Variants in MYT1 observed in about 807,000 individuals in gnomAD.
MYT1 encodes myelin transcription factor 1.
A neutral mutation model predicts 123.0 loss-of-function variants in MYT1; 23 were observed. That is an observed-to-expected ratio of 0.19 (90% CI 0.13 to 0.26). The LOEUF is 0.26. Ranked by LOEUF, MYT1 falls within the 10% of genes least tolerant of loss-of-function variation. The pLI, the probability that MYT1 is intolerant of heterozygous loss-of-function variation, is 1.00. For missense variants in MYT1, 1,125 were observed against 1,472.5 expected (o/e 0.76, Z 3.86); for synonymous variants, 518 against 575.3 (o/e 0.90, Z 1.43).
chr20:64,195,401 C>CTTTT (rs397753483), intron 2 of MYT1, among the ~76,000 whole-genome samples: 1,669 of 104,012 alleles, frequency 0.016, 200 homozygotes, highest in African/African-American at 0.059. Flanking sequence ...TGTGTGTATA[C>CTTTT]TTTTTTTTTT....
intron 1 of MYT1, among the ~76,000 whole-genome samples, chr20:64,179,541 T>C (rs1286410030): frequency 6.6e-6 from 1 of 152,232 alleles, no homozygotes; most frequent in African/African-American, 2.4e-5. Context: ...TGGATATCTC[T>C]ATAGACTCGT....
At position 64,196,708 on chromosome 20, in the gene MYT1, G is replaced by A. The variant is rs536969284; in HGVS notation, c.1-2154G>A. On this transcript the variant is annotated intron_variant, in intron 2 of 22. Transcript: ENST00000328439. The surrounding 1 kb of genome is among the most constrained non-coding windows in gnomAD (Gnocchi z 4.3). ...TAAAAAGGTGCTCAGCAGAAGGAGCGGCAGAGCTGTCAGCTTCATCAACGG... is the reference window on the plus strand; with the variant it reads ...TAAAAAGGTGCTCAGCAGAAGGAGCAGCAGAGCTGTCAGCTTCATCAACGG... Among the ~76,000 whole-genome samples the A allele has an allele frequency of 5.8e-4, 89 of 152,160 alleles. No homozygotes were observed. The highest frequency in any genetic ancestry group is 1.9e-3 in the African/African-American group (78 of 41,454).
rs761769883 is a variant in MYT1 at position 64,217,128 on chromosome 20, G to A, written c.1693G>A (p.Ala565Thr). The A allele has an allele frequency of 4.3e-6, 7 of 1,613,538 alleles. No homozygotes were observed. The highest frequency in any genetic ancestry group is 5.9e-6 in the Non-Finnish European group (7 of 1,179,832). ...PPYGSYRPNV[A>T]PATPRANLAK... Reference sequence around the variant, plus strand: ...ATATGGGAGCTACCGGCCCAACGTGGCCCCCGCCACACCCAGGGCCAACTT... The same window carrying A: ...ATATGGGAGCTACCGGCCCAACGTGACCCCCGCCACACCCAGGGCCAACTT... The change falls in exon 11 of 23, where the codon GCC becomes ACC. Residue 565 changes from alanine to threonine, a missense_variant. Physicochemically the swap from Ala to Thr is moderately conservative, Grantham distance 58. This residue lies in a region of MYT1 where 429 missense variants were observed against 604.1 expected (regional missense o/e 0.71). Transcript: ENST00000328439.
chr20:64,217,411 C>T (rs1361114410), intron 11 of MYT1, 130 bp downstream of exon 11: 3 of 995,926 alleles, frequency 3.0e-6, no homozygotes, highest in Non-Finnish European at 3.0e-6. Flanking sequence ...CATGGGAGGA[C>T]CACGATGCAG....
At chr20:64,211,122 G>C (rs965835151) in intron 7 of MYT1, 84 bp from the exon 8 acceptor site, 1 of 1,470,474 alleles carries the variant, frequency 6.8e-7, no homozygotes, top group African/African-American at 1.4e-5. Context: ...GACAGCCAGA[G>C]AGAGGGTTCC....
At chr20:64,200,914 G>A (rs1244806959) in intron 4 of MYT1, among the ~76,000 whole-genome samples, 2 of 152,210 alleles carry the variant, frequency 1.3e-5, no homozygotes, top group Middle Eastern at 3.2e-3. Flanking sequence ...CCAGAACACA[G>A]TCCCCGGAAG....
rs758965965 is a variant in MYT1 at position 64,218,880 on chromosome 20, T to C, written c.1847-31T>C. On this transcript the variant is annotated intron_variant, in intron 11 of 22. Transcript: ENST00000328439. This position sits in a 1 kb window ranked among gnomAD's most constrained non-coding sequence, Gnocchi z 4.0. ...CCCCAGGCACAGCCCCTCCAGTAGT[T>C]ATGTGAGGAGCACTTCATCCTCTTC... The C allele has an allele frequency of 1.9e-6, 3 of 1,612,888 alleles. No individual in the cohort carries two copies. Among genetic ancestry groups the C allele is most frequent in the Non-Finnish European group, 8.5e-7 (1 of 1,180,000 alleles).
rs895968646 is a variant in MYT1 at position 64,191,296 on chromosome 20, G to A, written c.-1+1136G>A. Among the ~76,000 whole-genome samples, 1 of 150,170 alleles carries A rather than the reference G, an allele frequency of 6.7e-6. No individual in the cohort carries two copies. Among genetic ancestry groups the A allele is most frequent in the African/African-American group, 2.5e-5 (1 of 39,536 alleles). On this transcript the variant is annotated intron_variant, in intron 2 of 22. Transcript: ENST00000328439. The surrounding 1 kb of genome is among the most constrained non-coding windows in gnomAD (Gnocchi z 4.1). ...ACACTCCCGAACTGTGACATCACATGTGCTTACAGCCACTGTTCTCCACCA... is the reference window on the plus strand; with the variant it reads ...ACACTCCCGAACTGTGACATCACATATGCTTACAGCCACTGTTCTCCACCA...
Position 64,196,572 on chromosome 20 carries a change from G to C in MYT1, c.1-2290G>C, listed in dbSNP as rs946279966. Among the ~76,000 whole-genome samples the C allele has an allele frequency of 8.5e-5, 13 of 152,202 alleles. No individual in the cohort carries two copies. The highest frequency in any genetic ancestry group is 1.6e-4 in the Non-Finnish European group (11 of 68,038). ...GTTCATTCTCGTATTAAAGAGCCTG[G>C]TTTATTTTTTCTTCGGTAGTTCAGT... On this transcript the variant is annotated intron_variant, in intron 2 of 22. Transcript: ENST00000328439. The surrounding 1 kb of genome is among the most constrained non-coding windows in gnomAD (Gnocchi z 4.3).
At chr20:64,225,907 G>A (rs1984158368) in intron 16 of MYT1, among the ~76,000 whole-genome samples, 1 of 152,182 alleles carries the variant, frequency 6.6e-6, no homozygotes, top group African/African-American at 2.4e-5. Flanking sequence ...ACCCCCACCT[G>A]AGACTCACTC....
intron 1 of MYT1, among the ~76,000 whole-genome samples, chr20:64,184,583 C>A (rs993797571): frequency 3.9e-5 from 6 of 152,106 alleles, no homozygotes; most frequent in African/African-American, 1.2e-4. Flanking sequence ...TGCTCTTTTT[C>A]AGAATTGTTT....
chr20:64,216,533 G>A (rs1197820264), intron 10 of MYT1, among the ~76,000 whole-genome samples: 3 of 152,204 alleles, frequency 2.0e-5, no homozygotes, highest in Non-Finnish European at 4.4e-5. Context: ...CTGAGTCCCT[G>A]GCTGAATGAA....
chr20:64,234,381 A>G (rs1984433352), intron 19 of MYT1, among the ~76,000 whole-genome samples: 1 of 152,116 alleles, frequency 6.6e-6, no homozygotes, highest in South Asian at 2.1e-4. Context: ...CCCTGCTGAG[A>G]GCAACGGTGC....
rs1350203996 is a variant in MYT1 at position 64,208,304 on chromosome 20, C to A, written c.1108C>A (p.Gln370Lys). The change falls in exon 7 of 23, where the codon CAG (glutamine) becomes AAG (lysine). Residue 370 changes from glutamine to lysine, a missense_variant. Physicochemically the swap from Gln to Lys is moderately conservative, Grantham distance 53. This residue lies in a region of MYT1 where 429 missense variants were observed against 604.1 expected (regional missense o/e 0.71). Transcript: ENST00000328439. This position sits in a 1 kb window ranked among gnomAD's most constrained non-coding sequence, Gnocchi z 5.4. ...KSTVTDESEMQDMMTRGNLGL... is the reference protein window; with the variant it reads ...KSTVTDESEMKDMMTRGNLGL... ...AACAGTCACTGACGAGTCGGAGATG[C>A]AGGACATGATGACCCGGGGAAACCT... The A allele has an allele frequency of 6.2e-7, 1 of 1,614,158 alleles. No individual in the cohort carries two copies. The highest frequency in any genetic ancestry group is 1.7e-5 in the Admixed American group (1 of 60,032).
At chr20:64,237,648 A>G (rs1341403712) in intron 21 of MYT1, among the ~76,000 whole-genome samples, 1 of 152,208 alleles carries the variant, frequency 6.6e-6, no homozygotes, top group Non-Finnish European at 1.5e-5. Flanking sequence ...ATTAGTGTTA[A>G]TAACACTATT....
rs1244233652 is a variant in MYT1, at chr20:64,190,826, G to A, written c.-1+666G>A. Among the ~76,000 whole-genome samples the A allele has an allele frequency of 1.3e-5, 2 of 152,146 alleles. No homozygotes were observed. The highest frequency in any genetic ancestry group is 2.1e-4 in the South Asian group (1 of 4,818). On this transcript the variant is annotated intron_variant, in intron 2 of 22. Coordinates refer to ENST00000328439, the MANE Select transcript of MYT1 (RefSeq NM_004535.3). This position sits in a 1 kb window ranked among gnomAD's most constrained non-coding sequence, Gnocchi z 4.1. ...TTTACTAAAAACACAAAAATTAGCC[G>A]GGCATGGTGGCATGCGCCTGTAATC...
At chr20:64,177,146 G>T (rs1050768588) in intron 1 of MYT1, among the ~76,000 whole-genome samples, 3 of 152,222 alleles carry the variant, frequency 2.0e-5, no homozygotes, top group Admixed American at 1.3e-4. Flanking sequence ...GCAGTGAGCT[G>T]CTGTTGGAGA....
rs527912719 is a variant in MYT1 at position 64,204,790 on chromosome 20, G to A, written c.87-245G>A. Among the ~76,000 whole-genome samples, 3 of 152,342 alleles carry A rather than the reference G, an allele frequency of 2.0e-5. No homozygotes were observed. In the East Asian group the frequency reaches 5.8e-4, roughly 29 times the overall value. On this transcript the variant is annotated intron_variant, in intron 4 of 22. Transcript: ENST00000328439. ...GAATGCCTGCCGTGGGGAGCGGTCT[G>A]GGAGACTCTGGCGCTAGAAGTCTTG...
intron 8 of MYT1, 78 bp downstream of exon 8, chr20:64,211,418 G>A: frequency 6.9e-7 from 1 of 1,453,710 alleles, no homozygotes; most frequent in Non-Finnish European, 9.4e-7. Context: ...TGTCTATGGG[G>A]AGGCGTGGCC....
Sources: allele counts gnomAD v4.1 joint callset (sites outside exome capture counted in the v4.1 genomes callset), GRCh38; gene constraint gnomAD v4.1.1; regional missense constraint gnomAD v4.1.1; non-coding constraint Gnocchi (gnomAD v3.1); transcripts MANE v1.5; gene names NCBI Gene and HGNC (gene_info 2026-07-23, HGNC 2026-07-21).